CADM1: variants seen among roughly 807,000 people sequenced by gnomAD.
CADM1 encodes the protein TSLC-1.
CADM1 carries 15 observed loss-of-function variants against 53.1 expected under a neutral mutation model. That is an observed-to-expected ratio of 0.28 (90% CI 0.19 to 0.44). CADM1 has a LOEUF of 0.44. Ranked by LOEUF, CADM1 falls within the 20% of genes least tolerant of loss-of-function variation. CADM1 has a pLI of 1.00. For synonymous variants in CADM1, 281 were observed against 243.0 expected (o/e 1.16, Z -1.45); for missense variants, 434 against 611.3 (o/e 0.71, Z 3.06).
rs531215079 is a variant in CADM1, at chr11:115,305,378, A to C, written c.125-64958T>G. On this transcript the variant is annotated intron_variant, in intron 1 of 11. Transcript: ENST00000331581. ...GCACTTTCCTCTCTCACTGGTTTTA[A>C]TATGTATCTATCCAATTCTGTCTTT... Among the ~76,000 whole-genome samples, 409 of 152,046 alleles carry C rather than the reference A, an allele frequency of 2.7e-3. 3 individuals are homozygous for C. Among genetic ancestry groups the C allele is most frequent in the Middle Eastern group, 6.8e-3 (2 of 294 alleles).
intron 1 of CADM1, among the ~76,000 whole-genome samples, chr11:115,254,764 A>G (rs1253719101): frequency 6.6e-6 from 1 of 152,198 alleles, no homozygotes; most frequent in East Asian, 1.9e-4. Context: ...TGAAAAATAC[A>G]GTGTGCTCTG....
At chr11:115,286,412 A>G (rs1591672423) in intron 1 of CADM1, among the ~76,000 whole-genome samples, 1 of 152,214 alleles carries the variant, frequency 6.6e-6, no homozygotes, top group African/African-American at 2.4e-5. Context: ...CCTATTAGCC[A>G]TTCTGTTAAG....
At chr11:115,495,800 T>A (rs1214051272) in intron 1 of CADM1, among the ~76,000 whole-genome samples, 1 of 152,156 alleles carries the variant, frequency 6.6e-6, no homozygotes, top group African/African-American at 2.4e-5. Context: ...ATTTATTTTA[T>A]TTTATTTATT....
At chr11:115,401,552 G>A (rs1437982750) in intron 1 of CADM1, among the ~76,000 whole-genome samples, 4 of 152,028 alleles carry the variant, frequency 2.6e-5, no homozygotes, top group Non-Finnish European at 5.9e-5. Flanking sequence ...AGGTTGCAGC[G>A]AGCCGAGATT....
chr11:115,184,007 G>A (rs1017541173), intron 10 of CADM1, among the ~76,000 whole-genome samples: 3 of 151,952 alleles, frequency 2.0e-5, no homozygotes, highest in Non-Finnish European at 2.9e-5. Flanking sequence ...TGCTGGACAA[G>A]TCAGTTTAAT....
intron 1 of CADM1, among the ~76,000 whole-genome samples, chr11:115,296,451 G>T (rs1944081615): frequency 6.6e-6 from 1 of 152,172 alleles, no homozygotes. Context: ...GGTTCTTGCT[G>T]CTTTTGCAGT....
At chr11:115,242,158 G>A (rs1366484500) in intron 1 of CADM1, among the ~76,000 whole-genome samples, 1 of 151,878 alleles carries the variant, frequency 6.6e-6, no homozygotes, top group African/African-American at 2.4e-5. Flanking sequence ...TGCTTGAGGA[G>A]CAGACCAAAA....
At chr11:115,334,253 T>C (rs1320642528) in intron 1 of CADM1, among the ~76,000 whole-genome samples, 1 of 152,172 alleles carries the variant, frequency 6.6e-6, no homozygotes, top group Non-Finnish European at 1.5e-5. Context: ...CACCAGAGTG[T>C]GGACCTAAAC....
chr11:115,175,639 G>A lies in CADM1; in HGVS notation c.*835C>T. ...CATGGAAAAAGGAGGAGTCCTTTCTGCCCCAAACCTTTCTGGACAGCGTAG... is the reference window on the plus strand; with the variant it reads ...CATGGAAAAAGGAGGAGTCCTTTCTACCCCAAACCTTTCTGGACAGCGTAG... On this transcript the variant is annotated 3_prime_UTR_variant, in exon 12 of 12. Transcript: ENST00000331581. The A allele has an allele frequency of 1.0e-6, 1 of 985,656 alleles. No individual in the cohort carries two copies. Among genetic ancestry groups the A allele is most frequent in the Non-Finnish European group, 1.2e-6 (1 of 830,006 alleles). 61.1% of individuals were successfully genotyped at this position (985,656 alleles called of 1,614,324 possible).
intron 1 of CADM1, among the ~76,000 whole-genome samples, chr11:115,493,107 G>T (rs533535714): frequency 1.3e-5 from 2 of 151,944 alleles, no homozygotes; most frequent in East Asian, 3.9e-4. Flanking sequence ...CCAGGTATGG[G>T]GGCAGGAAAA....
chr11:115,322,950 T>G (rs554335647), intron 1 of CADM1, among the ~76,000 whole-genome samples: 43 of 152,328 alleles, frequency 2.8e-4, no homozygotes, highest in African/African-American at 1.0e-3. Flanking sequence ...GGTATATAAC[T>G]AGGAGTGTAA....
intron 1 of CADM1, among the ~76,000 whole-genome samples, chr11:115,414,953 T>G (rs960032745): frequency 6.6e-6 from 1 of 152,256 alleles, no homozygotes; most frequent in Admixed American, 6.5e-5. Flanking sequence ...TGACCTTTTC[T>G]AGGCATCAAT....
intron 1 of CADM1, among the ~76,000 whole-genome samples, chr11:115,400,543 A>G (rs1947110309): frequency 6.9e-6 from 1 of 145,642 alleles, no homozygotes; most frequent in Non-Finnish European, 1.5e-5. Context: ...AATCAGACCT[A>G]CATATATATA....
At chr11:115,445,909 A>C in intron 1 of CADM1, 1 of 293,392 alleles carries the variant, frequency 3.4e-6, no homozygotes, top group Non-Finnish European at 6.9e-6. Context: ...ACAGAAGAAT[A>C]TGTGCAATCC....
At chr11:115,501,892 A>G (rs897517510) in intron 1 of CADM1, among the ~76,000 whole-genome samples, 3 of 152,120 alleles carry the variant, frequency 2.0e-5, no homozygotes, top group Admixed American at 6.5e-5. Flanking sequence ...CCTCCTCTCA[A>G]ACTCACCACG....
intron 1 of CADM1, among the ~76,000 whole-genome samples, chr11:115,420,856 T>G (rs151041982): frequency 2.0e-5 from 3 of 152,314 alleles, no homozygotes; most frequent in African/African-American, 7.2e-5. Flanking sequence ...TGCATCTTCC[T>G]AAATCGTCTT....
At chr11:115,300,620 C>A (rs1017489436) in intron 1 of CADM1, among the ~76,000 whole-genome samples, 2 of 152,024 alleles carry the variant, frequency 1.3e-5, no homozygotes, top group African/African-American at 4.8e-5. Flanking sequence ...TATTTCTCAA[C>A]CTATACAAAG....
intron 1 of CADM1, among the ~76,000 whole-genome samples, chr11:115,255,124 C>T (rs1179864826): frequency 6.6e-6 from 1 of 152,046 alleles, no homozygotes; most frequent in Non-Finnish European, 1.5e-5. Flanking sequence ...AGAGGTCAGG[C>T]GCACGGGCTT....
At chr11:115,304,512 T>C (rs1322675094) in intron 1 of CADM1, among the ~76,000 whole-genome samples, 1 of 152,070 alleles carries the variant, frequency 6.6e-6, no homozygotes, top group Non-Finnish European at 1.5e-5. Flanking sequence ...AATGGTGGTT[T>C]TCTTTAGGAA....
Sources: allele counts gnomAD v4.1 joint callset (sites outside exome capture counted in the v4.1 genomes callset), GRCh38; gene constraint gnomAD v4.1.1; transcripts MANE v1.5; gene names NCBI Gene and HGNC (gene_info 2026-07-23, HGNC 2026-07-21).